Variants in KCNIP4 observed in about 807,000 individuals in gnomAD.
KCNIP4 encodes the protein potassium voltage-gated channel interacting protein 4.
In KCNIP4, 12 loss-of-function variants were observed where a neutral mutation model predicts 34.0. That is an observed-to-expected ratio of 0.35 (90% confidence interval 0.23 to 0.57). The LOEUF (loss-of-function observed/expected upper bound fraction) is 0.57, where lower values mean the gene tolerates loss of function less well. Among genes scored for constraint, KCNIP4 ranks in the 20% least tolerant of loss-of-function variants. The probability of loss-of-function intolerance (pLI) is 0.83; values close to 1 mark genes in which losing one functional copy is unlikely to be tolerated. For missense variants in KCNIP4, 238 were observed against 311.7 expected (o/e 0.76, Z 1.78); for synonymous variants, 124 against 102.2 (o/e 1.21, Z -1.29).
intron 1 of KCNIP4, among the ~76,000 whole-genome samples, chr4:21,440,170 T>C (rs1293732386): frequency 6.6e-6 from 1 of 152,244 alleles, no homozygotes; most frequent in East Asian, 1.9e-4. Context: ...CTTAACATTG[T>C]TGCAATATCA....
intron 1 of KCNIP4, among the ~76,000 whole-genome samples, chr4:20,983,172 A>G (rs1249216918): frequency 6.6e-6 from 1 of 152,204 alleles, no homozygotes; most frequent in Non-Finnish European, 1.5e-5. Flanking sequence ...TTTATGTTAG[A>G]TGGATCTAAT....
At chr4:21,945,961 C>T (rs1043720891) in intron 1 of KCNIP4, among the ~76,000 whole-genome samples, 5 of 149,700 alleles carry the variant, frequency 3.3e-5, no homozygotes, top group Admixed American at 2.7e-4. Context: ...TCCTCTCTGG[C>T]ATTAACAATG....
chr4:21,873,989 G>A (rs2109370828), intron 1 of KCNIP4, among the ~76,000 whole-genome samples: 1 of 152,304 alleles, frequency 6.6e-6, no homozygotes, highest in Non-Finnish European at 1.5e-5. Flanking sequence ...TAATTTGCTT[G>A]CTCTCTCTAC....
chr4:21,211,078 G>A (rs1017303132), intron 1 of KCNIP4, among the ~76,000 whole-genome samples: 6 of 152,106 alleles, frequency 3.9e-5, no homozygotes, highest in Non-Finnish European at 8.8e-5. Flanking sequence ...CTCTTACCAG[G>A]TGATAGGTTG....
intron 1 of KCNIP4, among the ~76,000 whole-genome samples, chr4:21,051,686 C>T (rs1475561666): frequency 6.6e-6 from 1 of 151,910 alleles, no homozygotes; most frequent in East Asian, 1.9e-4. Flanking sequence ...TTAATTGTAA[C>T]CTTTAATTTA....
intron 1 of KCNIP4, among the ~76,000 whole-genome samples, chr4:21,206,552 G>A (rs1254077593): frequency 6.6e-6 from 1 of 152,212 alleles, no homozygotes; most frequent in African/African-American, 2.4e-5. Flanking sequence ...TCTTGCTAAA[G>A]TGAGAAGAGC....
At chr4:21,009,491 G>T (rs893199157) in intron 1 of KCNIP4, among the ~76,000 whole-genome samples, 1 of 152,110 alleles carries the variant, frequency 6.6e-6, no homozygotes, top group Non-Finnish European at 1.5e-5. Flanking sequence ...TGTATGGAGG[G>T]CATATATGTT....
intron 3 of KCNIP4, among the ~76,000 whole-genome samples, chr4:20,803,300 T>G (rs1033802145): frequency 4.0e-5 from 6 of 150,938 alleles, no homozygotes; most frequent in African/African-American, 1.5e-4. Flanking sequence ...AAAGGAATAA[T>G]AAAAATCAGA....
intron 1 of KCNIP4, among the ~76,000 whole-genome samples, chr4:21,380,345 G>A (rs998038295): frequency 4.7e-5 from 7 of 148,832 alleles, no homozygotes; most frequent in Non-Finnish European, 1.0e-4. Flanking sequence ...TCAACAACTG[G>A]AAAAAAATAC....
At chr4:21,258,344 C>T (rs1470035766) in intron 1 of KCNIP4, among the ~76,000 whole-genome samples, 1 of 152,102 alleles carries the variant, frequency 6.6e-6, no homozygotes, top group African/African-American at 2.4e-5. Context: ...GTGAATGATT[C>T]CTCAAATAGA....
At chr4:21,631,057 C>T (rs982807264) in intron 1 of KCNIP4, among the ~76,000 whole-genome samples, 6 of 152,118 alleles carry the variant, frequency 3.9e-5, no homozygotes, top group Non-Finnish European at 7.4e-5. Context: ...TCACTATATT[C>T]GGTAAGGAAA....
chr4:20,888,363 C>T (rs933379887), intron 1 of KCNIP4, among the ~76,000 whole-genome samples: 1 of 152,092 alleles, frequency 6.6e-6, no homozygotes, highest in East Asian at 1.9e-4. Context: ...GACTATATAT[C>T]TTTTATGATT....
intron 3 of KCNIP4, among the ~76,000 whole-genome samples, chr4:20,789,558 C>G (rs577030122): frequency 6.6e-6 from 1 of 152,188 alleles, no homozygotes; most frequent in Non-Finnish European, 1.5e-5. Context: ...ACTTCCATAT[C>G]TATGCTGGGC....
At position 21,564,129 on chromosome 4, in the gene KCNIP4, C is replaced by T. The variant is rs1577602701; in HGVS notation, c.61+384442G>A. 2.6e-5 allele frequency among the ~76,000 whole-genome samples: 4 copies of T among 152,190 alleles called. No homozygotes were observed. The South Asian group carries it at 8.3e-4, about 32-fold the overall frequency. On this transcript the variant is annotated intron_variant, in intron 1 of 8. Transcript: ENST00000382152. ...TACTTGACTCCAAAACCACGGATCT[C>T]CCCTACATCCTGCTCTATTATTCTC... is the stretch of plus-strand genomic sequence containing the variant.
chr4:20,839,331 G>A (rs1314911100), intron 3 of KCNIP4, among the ~76,000 whole-genome samples: 2 of 151,698 alleles, frequency 1.3e-5, no homozygotes, highest in African/African-American at 4.8e-5. Flanking sequence ...TAGATCTATA[G>A]ATATAGATAT....
chr4:21,250,637 C>G (rs1358239984), intron 1 of KCNIP4, among the ~76,000 whole-genome samples: 1 of 152,002 alleles, frequency 6.6e-6, no homozygotes, highest in Non-Finnish European at 1.5e-5. Context: ...AAATTACAAA[C>G]AGAAAACAGA....
intron 1 of KCNIP4, among the ~76,000 whole-genome samples, chr4:21,340,878 A>G (rs1438594771): frequency 1.3e-5 from 2 of 152,122 alleles, no homozygotes; most frequent in East Asian, 1.9e-4. Flanking sequence ...TTCTATGTGC[A>G]TAGGGCAGAT....
At chr4:20,797,696 G>A (rs1303820661) in intron 3 of KCNIP4, among the ~76,000 whole-genome samples, 1 of 152,188 alleles carries the variant, frequency 6.6e-6, no homozygotes, top group East Asian at 1.9e-4. Context: ...TAAAGGTAGA[G>A]GGGATAGAGA....
chr4:21,640,920 A>C (rs1161018040), intron 1 of KCNIP4, among the ~76,000 whole-genome samples: 1 of 152,160 alleles, frequency 6.6e-6, no homozygotes. Context: ...ACCATAGTGC[A>C]TACTCAGAAT....
Sources: gnomAD v4.1 joint callset for allele counts (sites outside exome capture counted in the v4.1 genomes callset) on GRCh38, gnomAD v4.1.1 for gene constraint, MANE v1.5 for transcripts, NCBI Gene and HGNC (gene_info 2026-07-23, HGNC 2026-07-21) for gene names.